Variants in SPATS2 observed in about 807,000 individuals in gnomAD.
SPATS2 encodes the protein spermatogenesis associated serine rich 2, also known as spermatogenesis-associated serine-rich protein 2.
A neutral mutation model predicts 63.7 loss-of-function variants in SPATS2; 38 were observed. That is an observed-to-expected ratio of 0.60 (90% CI 0.46 to 0.78). The LOEUF (loss-of-function observed/expected upper bound fraction) is 0.78, where lower values mean the gene tolerates loss of function less well. Among genes scored for constraint, SPATS2 ranks in the 30% least tolerant of loss-of-function variants. The probability of loss-of-function intolerance (pLI) is 0.00; values close to 1 mark genes in which losing one functional copy is unlikely to be tolerated. For synonymous variants in SPATS2, 207 were observed against 232.9 expected (o/e 0.89, Z 1.01); for missense variants, 588 against 666.2 (o/e 0.88, Z 1.29).
chr12:49,462,221 C>A (rs1236768283), intron 3 of SPATS2: 4 of 687,014 alleles, frequency 5.8e-6, no homozygotes, highest in Non-Finnish European at 1.1e-5. Flanking sequence ...ATTTCCCTGG[C>A]CCCTTTGCAG....
At chr12:49,391,077 CA>C (rs11390302) in intron 2 of SPATS2, among the ~76,000 whole-genome samples, 22 of 151,588 alleles carry the variant, frequency 1.5e-4, no homozygotes, top group Admixed American at 5.9e-4. Flanking sequence ...ATTAAAATTT[CA>C]AAAAAAAATT....
At chr12:49,423,188 A>G (rs1024588450) in intron 2 of SPATS2, among the ~76,000 whole-genome samples, 1 of 150,904 alleles carries the variant, frequency 6.6e-6, no homozygotes, top group African/African-American at 2.4e-5. Context: ...GCTGGAGTGC[A>G]GTGGTGCGAT....
intron 2 of SPATS2, among the ~76,000 whole-genome samples, chr12:49,438,231 CTTCT>C (rs1373723405): frequency 1.3e-5 from 2 of 152,140 alleles, no homozygotes; most frequent in Admixed American, 6.5e-5. Flanking sequence ...TTGGGTCTGA[CTTCT>C]TTGTTTAACA....
At chr12:49,484,690 T>G (rs1254560967) in intron 4 of SPATS2, 21 bp downstream of exon 4, 2 of 1,610,110 alleles carry the variant, frequency 1.2e-6, no homozygotes, top group Admixed American at 3.3e-5. Context: ...TCACTATGGA[T>G]AGTAAACTTA....
chr12:49,402,951 A>G (rs969011917), intron 2 of SPATS2, among the ~76,000 whole-genome samples: 1 of 152,162 alleles, frequency 6.6e-6, no homozygotes, highest in African/African-American at 2.4e-5. Flanking sequence ...TGAAGGGACC[A>G]TTCAGACAAG....
chr12:49,509,273 CT>C (rs1186617900), intron 9 of SPATS2, among the ~76,000 whole-genome samples: 1,828 of 77,762 alleles, frequency 0.024, 1 homozygote, highest in African/African-American at 0.026. Flanking sequence ...GTTCTAACTT[CT>C]TTTTTTTTTT....
intron 2 of SPATS2, among the ~76,000 whole-genome samples, chr12:49,417,537 G>A (rs1944909132): frequency 6.6e-6 from 1 of 152,174 alleles, no homozygotes; most frequent in African/African-American, 2.4e-5. Flanking sequence ...TGGTGATCTG[G>A]CTCTGGAGGT....
intron 3 of SPATS2, among the ~76,000 whole-genome samples, chr12:49,464,853 C>T (rs984624121): frequency 6.6e-6 from 1 of 152,022 alleles, no homozygotes; most frequent in Non-Finnish European, 1.5e-5. Context: ...ACCCTCTTTT[C>T]CTTATCCCCC....
At chr12:49,389,630 C>T in intron 2 of SPATS2, 3 of 1,168,058 alleles carry the variant, frequency 2.6e-6, no homozygotes, top group South Asian at 2.4e-5. Flanking sequence ...TCTCAATAAG[C>T]GAGTAGAAGC....
chr12:49,471,980 T>A (rs1946041518), intron 3 of SPATS2, among the ~76,000 whole-genome samples: 1 of 151,654 alleles, frequency 6.6e-6, no homozygotes. Context: ...TACAAAAAAA[T>A]TTAAAAAATT....
At chr12:49,462,544 A>C in intron 3 of SPATS2, 1 of 671,334 alleles carries the variant, frequency 1.5e-6, no homozygotes, top group Admixed American at 2.1e-5. Context: ...GCAAAGGGCC[A>C]GTGTGACAGC....
Position 49,524,906 on chromosome 12 carries a change from CT to C in SPATS2, c.1326+12del, listed in dbSNP as rs761864262. The C allele has an allele frequency of 2.5e-6, 4 of 1,612,130 alleles. No individual in the cohort carries two copies. In the South Asian group the frequency reaches 4.4e-5, roughly 18 times the overall value. ...CCAGCCACTTCGGGAGGTAACCTAGCTTCTACACTGAGCATGTTAGGAAGAA... is the reference window on the plus strand; with the variant it reads ...CCAGCCACTTCGGGAGGTAACCTAGCTCTACACTGAGCATGTTAGGAAGAA... On this transcript the variant is annotated intron_variant, in intron 13 of 13. Transcript: ENST00000552918.
At chr12:49,424,142 G>T (rs1945031602) in intron 2 of SPATS2, among the ~76,000 whole-genome samples, 1 of 152,128 alleles carries the variant, frequency 6.6e-6, no homozygotes, top group Non-Finnish European at 1.5e-5. Context: ...GGTGGAGGTT[G>T]CAGTGAGCTG....
At chr12:49,421,353 G>T (rs960725249) in intron 2 of SPATS2, among the ~76,000 whole-genome samples, 4 of 140,346 alleles carry the variant, frequency 2.9e-5, no homozygotes, top group African/African-American at 1.0e-4. Flanking sequence ...GGGAGGCAGA[G>T]GTTGTGGTGA....
intron 11 of SPATS2, 81 bp downstream of exon 11, chr12:49,519,263 C>A (rs1420477921): frequency 1.1e-5 from 12 of 1,105,954 alleles, no homozygotes; most frequent in Non-Finnish European, 1.6e-5. Flanking sequence ...ATGGCCATAT[C>A]TAATATATTA....
chr12:49,438,467 C>CT (rs748477439), intron 2 of SPATS2, among the ~76,000 whole-genome samples: 2 of 152,096 alleles, frequency 1.3e-5, no homozygotes, highest in Non-Finnish European at 2.9e-5. Context: ...GTTGCTGGGT[C>CT]ATAAGATGGG....
intron 2 of SPATS2, among the ~76,000 whole-genome samples, chr12:49,417,631 C>T (rs1298065608): frequency 6.6e-6 from 1 of 152,050 alleles, no homozygotes; most frequent in Non-Finnish European, 1.5e-5. Context: ...TTTCTTCTTC[C>T]CGTTTTGCTG....
chr12:49,484,409 C>A (rs1011899499), intron 3 of SPATS2, among the ~76,000 whole-genome samples, 181 bp from the exon 4 acceptor site: 5 of 152,146 alleles, frequency 3.3e-5, no homozygotes, highest in African/African-American at 1.2e-4. Context: ...AATTAAATTT[C>A]TGTATTATAA....
At chr12:49,494,478 C>A (rs1240824790) in intron 6 of SPATS2, among the ~76,000 whole-genome samples, 2 of 151,582 alleles carry the variant, frequency 1.3e-5, no homozygotes, top group African/African-American at 4.8e-5. Context: ...TGTAATTTAT[C>A]TTTTGATTTT....
Sources: gnomAD v4.1 joint callset for allele counts (sites outside exome capture counted in the v4.1 genomes callset) on GRCh38, gnomAD v4.1.1 for gene constraint, MANE v1.5 for transcripts, NCBI Gene and HGNC (gene_info 2026-07-23, HGNC 2026-07-21) for gene names.